Variants in RNF144B observed in about 807,000 individuals in gnomAD.
RNF144B encodes the protein ring finger protein 144B.
A neutral mutation model predicts 40.2 loss-of-function variants in RNF144B; 25 were observed. That is an observed-to-expected ratio of 0.62 (90% CI 0.45 to 0.87). The LOEUF is 0.87. RNF144B is among the 40% of genes least tolerant of loss of function. The pLI is 0.00. For synonymous variants in RNF144B, 145 were observed against 136.3 expected, an observed-to-expected ratio of 1.06 and a Z score of -0.44; for missense variants, 365 against 373.7, an observed-to-expected ratio of 0.98 and a Z score of 0.19.
rs1025038336 is a variant in RNF144B at position 18,395,297 on chromosome 6, C to T, written c.-36-4202C>T. ...GGGGAGTGGATGTGAATTGCTTGTG[C>T]CCCTGTGAAGTTGTGGCCCAATGGG... On this transcript the variant is annotated intron_variant, in intron 1 of 7. Transcript: ENST00000259939. The surrounding 1 kb of genome is among the most constrained non-coding windows in gnomAD (Gnocchi z 4.5). 1.3e-5 allele frequency among the ~76,000 whole-genome samples: 2 copies of T among 152,098 alleles called. No homozygotes were observed. The highest frequency in any genetic ancestry group is 4.8e-5 in the African/African-American group (2 of 41,418).
At position 18,448,572 on chromosome 6, in the gene RNF144B, T is replaced by C. The variant is rs1484144454; in HGVS notation, c.332-8583T>C. 6.6e-6 allele frequency among the ~76,000 whole-genome samples: 1 copy of C among 152,154 alleles called. No individual in the cohort carries two copies. The highest frequency in any genetic ancestry group is 1.5e-5 in the Non-Finnish European group (1 of 68,030). ...CAAGATACCTCCCAGGTTGCATCCA[T>C]TCATAAATCATCCAGCAGATATTTA... On this transcript the variant is annotated intron_variant, in intron 4 of 7. Coordinates refer to ENST00000259939, the MANE Select transcript of RNF144B (RefSeq NM_182757.4). The surrounding 1 kb of genome is among the most constrained non-coding windows in gnomAD (Gnocchi z 4.0).
rs72832473 is a variant in RNF144B, at chr6:18,442,691, C to G, written c.331+2947C>G. 2.8e-4 allele frequency among the ~76,000 whole-genome samples: 42 copies of G among 152,262 alleles called. No homozygotes were observed. In the South Asian group the frequency reaches 2.9e-3, roughly 11 times the overall value. On this transcript the variant is annotated intron_variant, in intron 4 of 7. Coordinates refer to ENST00000259939, the MANE Select transcript of RNF144B (RefSeq NM_182757.4). The surrounding 1 kb of genome is among the most constrained non-coding windows in gnomAD (Gnocchi z 4.3). Reference sequence around the variant, plus strand: ...GATCCCAAATTCTGTAGCCATTAACCAATAAGTCCTTATTCCTCCTCCCTG... The same window carrying G: ...GATCCCAAATTCTGTAGCCATTAACGAATAAGTCCTTATTCCTCCTCCCTG...
rs765164552 is a variant in RNF144B, at chr6:18,405,883, C to G, written c.165+6184C>G. On this transcript the variant is annotated intron_variant, in intron 2 of 7. Coordinates refer to ENST00000259939, the MANE Select transcript of RNF144B (RefSeq NM_182757.4). This position sits in a 1 kb window ranked among gnomAD's most constrained non-coding sequence, Gnocchi z 4.5. Reference sequence around the variant, plus strand: ...AGAGGAAAGAACAGCAGAAGAAAACCATACTATTAAGGCCCTAATGTCTTT... The same window carrying G: ...AGAGGAAAGAACAGCAGAAGAAAACGATACTATTAAGGCCCTAATGTCTTT... Among the ~76,000 whole-genome samples the G allele has an allele frequency of 1.2e-4, 18 of 152,152 alleles. No homozygotes were observed. The highest frequency in any genetic ancestry group is 2.5e-4 in the Non-Finnish European group (17 of 68,028).
At chr6:18,394,649 A>G (rs1483970984) in intron 1 of RNF144B, among the ~76,000 whole-genome samples, 2 of 151,720 alleles carry the variant, frequency 1.3e-5, no homozygotes, top group East Asian at 3.9e-4. Context: ...TGGCTCTCCC[A>G]TCATTTGCAT....
Position 18,418,571 on chromosome 6 carries a change from A to G in RNF144B, c.166-9010A>G, listed in dbSNP as rs1795191970. ...GGTTCCCTAGGGCTGTGCATGGAGG[A>G]TCTGGGGGAGAAATGGGGAGCATGT... On this transcript the variant is annotated intron_variant, in intron 2 of 7. Transcript: ENST00000259939. This position sits in a 1 kb window ranked among gnomAD's most constrained non-coding sequence, Gnocchi z 5.2. 6.6e-6 allele frequency among the ~76,000 whole-genome samples: 1 copy of G among 152,104 alleles called. No homozygotes were observed. Among genetic ancestry groups the G allele is most frequent in the Non-Finnish European group, 1.5e-5 (1 of 68,000 alleles).
rs574369016 is a variant in RNF144B at position 18,399,048 on chromosome 6, T to A, written c.-36-451T>A. 2.1e-4 allele frequency among the ~76,000 whole-genome samples: 32 copies of A among 152,358 alleles called. 1 individual carries two copies. The South Asian group carries it at 6.2e-3, about 30-fold the overall frequency. On this transcript the variant is annotated intron_variant, in intron 1 of 7. Transcript: ENST00000259939. ...TATATAAATGCTTAAATCAAGCTAA[T>A]GAACATCATCACTTCACATTTTTCT...
intron 4 of RNF144B, among the ~76,000 whole-genome samples, chr6:18,449,589 A>G: frequency 6.6e-6 from 1 of 152,134 alleles, no homozygotes; most frequent in Middle Eastern, 3.4e-3. Flanking sequence ...TATTGCATGT[A>G]TATTTACTAA....
intron 3 of RNF144B, among the ~76,000 whole-genome samples, chr6:18,432,061 CATT>C (rs1208430499): frequency 6.6e-6 from 1 of 152,178 alleles, no homozygotes; most frequent in Non-Finnish European, 1.5e-5. Flanking sequence ...CTTTCCTTGT[CATT>C]ATTCCCTAAA....
intron 4 of RNF144B, among the ~76,000 whole-genome samples, chr6:18,449,186 G>C (rs1437463211): frequency 6.6e-6 from 1 of 152,190 alleles, no homozygotes; most frequent in African/African-American, 2.4e-5. Flanking sequence ...TTACATGTGA[G>C]AATCTCATTT....
At position 18,444,970 on chromosome 6, in the gene RNF144B, A is replaced by G. The variant is rs1310057493; in HGVS notation, c.331+5226A>G. Among the ~76,000 whole-genome samples, 2 of 152,112 alleles carry G rather than the reference A, an allele frequency of 1.3e-5. No individual in the cohort carries two copies. The highest frequency in any genetic ancestry group is 3.9e-4 in the East Asian group (2 of 5,188). On this transcript the variant is annotated intron_variant, in intron 4 of 7. Coordinates refer to ENST00000259939, the MANE Select transcript of RNF144B (RefSeq NM_182757.4). The surrounding 1 kb of genome is among the most constrained non-coding windows in gnomAD (Gnocchi z 4.3). ...TCCACCCCAGCTTTTGTATCTGATC[A>G]TAAAGGTTTTATTCCATCAGAGCTC...
chr6:18,411,447 A>G (rs1795032702), intron 2 of RNF144B, among the ~76,000 whole-genome samples: 1 of 140,366 alleles, frequency 7.1e-6, no homozygotes, highest in Non-Finnish European at 1.5e-5. Flanking sequence ...AACCTCAAAA[A>G]GCATGTGCAT....
At chr6:18,409,574 T>TTTTTC (rs1794993069) in intron 2 of RNF144B, among the ~76,000 whole-genome samples, 1 of 145,086 alleles carries the variant, frequency 6.9e-6, no homozygotes, top group South Asian at 2.2e-4. Context: ...TTTTTTTTTT[T>TTTTTC]TTTTTTACTT....
At chr6:18,409,692 T>C (rs538009910) in intron 2 of RNF144B, among the ~76,000 whole-genome samples, 10 of 150,068 alleles carry the variant, frequency 6.7e-5, no homozygotes, top group African/African-American at 2.2e-4. Flanking sequence ...TGCCTCAGCC[T>C]CCTGAGTAGC....
intron 4 of RNF144B, among the ~76,000 whole-genome samples, chr6:18,451,524 A>G (rs1245484162): frequency 1.3e-5 from 2 of 152,250 alleles, no homozygotes; most frequent in Non-Finnish European, 2.9e-5. Context: ...AGAAGGGACC[A>G]TGAGAAGAAA....
rs1201245811 is a variant in RNF144B at position 18,399,607 on chromosome 6, GC to G, written c.79del (p.Leu27SerfsTer16). ...TCCCACTCCTGGAGACCTGGCTCCGGCCCCCCTCATCACTTGCAAACTCTGC... is the reference window on the plus strand; with the variant it reads ...TCCCACTCCTGGAGACCTGGCTCCGGCCCCCTCATCACTTGCAAACTCTGC... ...ENPTPGDLAP[A>X]PLITCKLCLC... On this transcript the variant is annotated frameshift_variant, in exon 2 of 8. Transcript: ENST00000259939. LOFTEE classifies it high-confidence loss of function. 6.2e-7 allele frequency: 1 copy of G among 1,614,048 alleles called. No individual in the cohort carries two copies.
chr6:18,466,765 A>G lies in RNF144B; in HGVS notation c.*1698A>G, dbSNP rs1047483986. ...TGATGCTTTGCCTATGTAATAGGAT[A>G]TATCCTAAGTGGGGATGTGTATATT... On this transcript the variant is annotated 3_prime_UTR_variant, in exon 8 of 8. Coordinates refer to ENST00000259939, the MANE Select transcript of RNF144B (RefSeq NM_182757.4). 12 of 152,648 alleles carry G rather than the reference A, an allele frequency of 7.9e-5. No individual in the cohort carries two copies. The highest frequency in any genetic ancestry group is 2.9e-4 in the African/African-American group (12 of 41,450). The allele number at this position is 152,648 out of a possible 1,614,324, so 9.5% of individuals were successfully genotyped here.
Position 18,395,578 on chromosome 6 carries a change from CT to C in RNF144B, c.-36-3909del, listed in dbSNP as rs56877936. Among the ~76,000 whole-genome samples the C allele has an allele frequency of 2.7e-3, 399 of 147,914 alleles. No individual in the cohort carries two copies. The highest frequency in any genetic ancestry group is 7.0e-3 in the African/African-American group (281 of 40,402). On this transcript the variant is annotated intron_variant, in intron 1 of 7. Coordinates refer to ENST00000259939, the MANE Select transcript of RNF144B (RefSeq NM_182757.4). This position sits in a 1 kb window ranked among gnomAD's most constrained non-coding sequence, Gnocchi z 4.5. ...GTGAAAGGATTTCTTGTTTGATATTCTTTTTTTTTTTTAAATGAAGTGCTCA... is the reference window on the plus strand; with the variant it reads ...GTGAAAGGATTTCTTGTTTGATATTCTTTTTTTTTTTAAATGAAGTGCTCA...
In RNF144B at chr6:18,410,581, AG is replaced by A. The variant is rs1343622276; in HGVS notation, c.165+10884del. 4.6e-5 allele frequency among the ~76,000 whole-genome samples: 7 copies of A among 152,150 alleles called. No homozygotes were observed. The highest frequency in any genetic ancestry group is 1.0e-4 in the Non-Finnish European group (7 of 68,018). Reference sequence around the variant, plus strand: ...AGAATCAGGGAAGAGTGACCTGCTGAGGAACCAAACCGGAAGATGTTCCTGG... The same window carrying A: ...AGAATCAGGGAAGAGTGACCTGCTGAGAACCAAACCGGAAGATGTTCCTGG... On this transcript the variant is annotated intron_variant, in intron 2 of 7. Coordinates refer to ENST00000259939, the MANE Select transcript of RNF144B (RefSeq NM_182757.4). The surrounding 1 kb of genome is among the most constrained non-coding windows in gnomAD (Gnocchi z 4.6).
chr6:18,397,987 A>G (rs1433817488), intron 1 of RNF144B, among the ~76,000 whole-genome samples: 2 of 152,090 alleles, frequency 1.3e-5, no homozygotes, highest in African/African-American at 2.4e-5. Context: ...CAGGTGAGGA[A>G]GCATACCCTG....
Sources: allele counts gnomAD v4.1 joint callset (sites outside exome capture counted in the v4.1 genomes callset), GRCh38; gene constraint gnomAD v4.1.1; non-coding constraint Gnocchi (gnomAD v3.1); transcripts MANE v1.5; gene names NCBI Gene and HGNC (gene_info 2026-07-23, HGNC 2026-07-21).